The following LRRIQ1 variants were observed in gnomAD, a reference collection of about 807,000 sequenced individuals.
LRRIQ1 encodes the protein leucine rich repeats and IQ motif containing 1, also known as leucine-rich repeat- and IQ domain-containing protein 1.
Under a neutral mutation model 211.9 loss-of-function variants are expected in LRRIQ1, and 210 were observed. That is an observed-to-expected ratio of 0.99 (90% CI 0.89 to 1.11). LRRIQ1 has a LOEUF of 1.11. Ranked by LOEUF, LRRIQ1 falls within the 50% of genes most tolerant of loss-of-function variation. LRRIQ1 has a pLI of 0.00. For synonymous variants in LRRIQ1, 699 were observed against 650.1 expected, an observed-to-expected ratio of 1.08 and a Z score of -1.14; for missense variants, 2,136 against 1,939.5, an observed-to-expected ratio of 1.10 and a Z score of -1.90.
chr12:85,229,496 C>G (rs761297400), intron 24 of LRRIQ1, 21 bp from the exon 25 acceptor site: 5 of 1,584,238 alleles, frequency 3.2e-6, no homozygotes, highest in African/African-American at 1.4e-5. Context: ...AATAAGTACA[C>G]GTTCCATATT....
chr12:85,072,875 A>T (rs1883241459), intron 10 of LRRIQ1, 32 bp from the exon 11 acceptor site: 1 of 1,505,524 alleles, frequency 6.6e-7, no homozygotes, highest in East Asian at 2.3e-5. Context: ...TTCGTCTTAT[A>T]TATTTGGTCT....
chr12:85,256,607 AG>A (rs1470798483), intron 1 of LRRIQ1, among the ~76,000 whole-genome samples: 5 of 151,656 alleles, frequency 3.3e-5, no homozygotes, highest in Non-Finnish European at 7.4e-5. Context: ...TCTATTCACA[AG>A]TCTTCACTAT....
intron 2 of LRRIQ1, among the ~76,000 whole-genome samples, 187 bp from the exon 3 acceptor site, chr12:85,040,303 C>A (rs1878718137): frequency 6.6e-6 from 1 of 151,504 alleles, no homozygotes; most frequent in Non-Finnish European, 1.5e-5. Flanking sequence ...AAATGCACAA[C>A]CACCTGAAAA....
intron 13 of LRRIQ1, among the ~76,000 whole-genome samples, chr12:85,102,159 A>T (rs1886396766): frequency 6.6e-6 from 1 of 151,628 alleles, no homozygotes; most frequent in African/African-American, 2.4e-5. Flanking sequence ...TGTAACAATT[A>T]TACAGAACGT....
intron 24 of LRRIQ1, among the ~76,000 whole-genome samples, chr12:85,197,248 A>G (rs1486402101): frequency 6.6e-6 from 1 of 151,684 alleles, no homozygotes; most frequent in African/African-American, 2.4e-5. Context: ...AACTAGTTCA[A>G]CCATTGTGGA....
chr12:85,213,294 G>A (rs1893926857), intron 24 of LRRIQ1, among the ~76,000 whole-genome samples: 1 of 151,834 alleles, frequency 6.6e-6, no homozygotes, highest in South Asian at 2.1e-4. Flanking sequence ...ATTTACTAGA[G>A]ATATGATACT....
chr12:85,099,057 A>G, intron 13 of LRRIQ1, 63 bp downstream of exon 13: 2 of 1,106,898 alleles, frequency 1.8e-6, no homozygotes, highest in Non-Finnish European at 2.5e-6. Context: ...TGTGATGTTC[A>G]TAAACTACCA....
chr12:85,206,804 C>A lies in LRRIQ1; in HGVS notation c.4823-22713C>A, dbSNP rs11116745. Among the ~76,000 whole-genome samples, 210 of 152,160 alleles carry A rather than the reference C, an allele frequency of 1.4e-3. 2 individuals carry two copies. In the East Asian group the frequency reaches 0.036, roughly 26 times the overall value. On this transcript the variant is annotated intron_variant, in intron 24 of 26. Transcript: ENST00000393217. Reference sequence around the variant, plus strand: ...AAGCAAGCATGGCCAAGCTTGGGCCCCAGGGGAGGCCGGCAGACAGAGGGG... The same window carrying A: ...AAGCAAGCATGGCCAAGCTTGGGCCACAGGGGAGGCCGGCAGACAGAGGGG...
Position 85,102,951 on chromosome 12 carries a change from A to ATATATATATAT in LRRIQ1, c.3210-1053_3210-1052insTATATATATAT, listed in dbSNP as rs1565834052. 2.4e-3 allele frequency among the ~76,000 whole-genome samples: 282 copies of ATATATATATAT among 116,712 alleles called. 6 individuals carry two copies. The highest frequency in any genetic ancestry group is 0.018 in the East Asian group (60 of 3,338). The allele number at this position is 116,712 out of a possible 152,430, so 76.6% of individuals were successfully genotyped here. A position where few individuals can be genotyped will look rare whatever the true frequency, so the allele number is the denominator to read the frequency against. On this transcript the variant is annotated intron_variant, in intron 13 of 26. Transcript: ENST00000393217. ...AGGCTTTTCTAATTGTGGCAAAAAA[A>ATATATATATAT]AAAAAAAAATATATATATATATATA...
intron 16 of LRRIQ1, among the ~76,000 whole-genome samples, chr12:85,122,565 C>T (rs1279464556): frequency 1.3e-5 from 2 of 152,042 alleles, no homozygotes; most frequent in African/African-American, 4.8e-5. Flanking sequence ...TACAATGACT[C>T]TTCATTGCAA....
Position 85,047,411 on chromosome 12 carries a change from C to T in LRRIQ1, c.619C>T (p.Arg207Ter), listed in dbSNP as rs138097524. Residue 207 changes from arginine to a stop codon, truncating the protein, a stop_gained, in exon 6 of 27, where the codon CGA (arginine) becomes TGA (stop). Transcript: ENST00000393217. LOFTEE classifies it high-confidence loss of function. ...EKQFQEEEEKRHCWMKQFKVE... is the reference protein window; with the variant it reads ...EKQFQEEEEK ...ACAATTTCAAGAAGAAGAAGAAAAG[C>T]GACATTGCTGGATGAAACAATTTAA... is the stretch of plus-strand genomic sequence containing the variant. 125 of 1,612,566 alleles carry T rather than the reference C, an allele frequency of 7.8e-5. No individual in the cohort carries two copies. The highest frequency in any genetic ancestry group is 1.7e-4 in the Middle Eastern group (1 of 6,048).
intron 26 of LRRIQ1, among the ~76,000 whole-genome samples, chr12:85,240,662 A>T (rs572400888): frequency 6.6e-6 from 1 of 152,288 alleles, no homozygotes; most frequent in African/African-American, 2.4e-5. Context: ...GATATACAAC[A>T]CACAATTAAA....
rs749005919 is a variant in LRRIQ1 at position 85,055,958 on chromosome 12, G to C, written c.1165G>C (p.Asp389His). The change falls in exon 8 of 27, where the codon GAT becomes CAT. Residue 389 changes from aspartate to histidine, a missense_variant. Coordinates refer to ENST00000393217, the MANE Select transcript of LRRIQ1 (RefSeq NM_001079910.2). ...ISKEKIILRE[D>H]ASQQLIISSA... Reference sequence around the variant, plus strand: ...CAAGGAAAAAATAATATTAAGAGAAGATGCAAGCCAACAGCTAATAATAAG... The same window carrying C: ...CAAGGAAAAAATAATATTAAGAGAACATGCAAGCCAACAGCTAATAATAAG... 2 of 1,608,630 alleles carry C rather than the reference G, an allele frequency of 1.2e-6. No homozygotes were observed. The highest frequency in any genetic ancestry group is 2.7e-5 in the African/African-American group (2 of 74,778).
At chr12:85,087,897 C>T (rs1167914394) in intron 11 of LRRIQ1, among the ~76,000 whole-genome samples, 3 of 152,122 alleles carry the variant, frequency 2.0e-5, no homozygotes, top group Non-Finnish European at 4.4e-5. Flanking sequence ...CTGTAGGTTT[C>T]CTGTTCACTC....
At chr12:85,099,675 T>C (rs1886191771) in intron 13 of LRRIQ1, among the ~76,000 whole-genome samples, 1 of 151,714 alleles carries the variant, frequency 6.6e-6, no homozygotes, top group South Asian at 2.1e-4. Flanking sequence ...GCACAAGGAG[T>C]AGGGGAAAGA....
intron 18 of LRRIQ1, 21 bp from the exon 19 acceptor site, chr12:85,137,829 A>T (rs369626012): frequency 3.2e-6 from 5 of 1,567,730 alleles, no homozygotes; most frequent in African/African-American, 1.4e-5. Flanking sequence ...TTTGTATAAC[A>T]TACTTTACAT....
At chr12:85,194,799 A>G (rs2136969698) in intron 24 of LRRIQ1, among the ~76,000 whole-genome samples, 1 of 152,262 alleles carries the variant, frequency 6.6e-6, no homozygotes, top group East Asian at 1.9e-4. Context: ...AAAAGCTAGC[A>G]GAAGGCAAAA....
intron 25 of LRRIQ1, among the ~76,000 whole-genome samples, chr12:85,231,455 TTTAA>T (rs1894936870): frequency 6.6e-6 from 1 of 152,200 alleles, no homozygotes; most frequent in African/African-American, 2.4e-5. Context: ...TATTAAGCGA[TTTAA>T]TTAATAGGGT....
chr12:85,113,626 C>G (rs2136366588), intron 15 of LRRIQ1, among the ~76,000 whole-genome samples: 1 of 152,008 alleles, frequency 6.6e-6, no homozygotes, highest in South Asian at 2.1e-4. Flanking sequence ...TGTTTCTGCC[C>G]CCCTCCGCCA....
Sources: allele counts gnomAD v4.1 joint callset (sites outside exome capture counted in the v4.1 genomes callset), GRCh38; gene constraint gnomAD v4.1.1; transcripts MANE v1.5; gene names NCBI Gene and HGNC (gene_info 2026-07-23, HGNC 2026-07-21).